Variants in SUCLG2 observed in about 807,000 individuals in gnomAD.
The protein encoded by SUCLG2 is succinate-CoA ligase GDP-forming subunit beta.
Under a neutral mutation model 47.9 loss-of-function variants are expected in SUCLG2, and 42 were observed. That is an observed-to-expected ratio of 0.88 (90% CI 0.69 to 1.14). SUCLG2 has a LOEUF of 1.14. Ranked by LOEUF, SUCLG2 falls within the 50% of genes most tolerant of loss-of-function variation. The pLI, the probability that SUCLG2 is intolerant of heterozygous loss-of-function variation, is 0.00. For synonymous variants in SUCLG2, 195 were observed against 197.3 expected, an observed-to-expected ratio of 0.99 and a Z score of 0.10; for missense variants, 571 against 525.9, an observed-to-expected ratio of 1.09 and a Z score of -0.84.
chr3:67,540,772 T>A (rs2107173744), intron 2 of SUCLG2, among the ~76,000 whole-genome samples: 1 of 152,046 alleles, frequency 6.6e-6, no homozygotes, highest in South Asian at 2.1e-4. Flanking sequence ...CCAGCAGGGG[T>A]CGACAGACAC....
At chr3:67,626,665 A>C (rs961149401) in intron 1 of SUCLG2, among the ~76,000 whole-genome samples, 5 of 152,200 alleles carry the variant, frequency 3.3e-5, no homozygotes, top group Admixed American at 2.6e-4. Flanking sequence ...CTGTAATCCC[A>C]GCACTTTGGG....
At chr3:67,456,409 A>G (rs780536549) in intron 9 of SUCLG2, among the ~76,000 whole-genome samples, 7 of 152,228 alleles carry the variant, frequency 4.6e-5, no homozygotes, top group Non-Finnish European at 8.8e-5. Context: ...ACTGAAAAAC[A>G]TGTTTGTCTA....
chr3:67,510,697 A>G (rs1025346052), intron 6 of SUCLG2, among the ~76,000 whole-genome samples: 1 of 152,192 alleles, frequency 6.6e-6, no homozygotes, highest in South Asian at 2.1e-4. Flanking sequence ...TTGATATGCT[A>G]TAATTCCTTT....
intron 9 of SUCLG2, among the ~76,000 whole-genome samples, chr3:67,417,413 G>A (rs887767185): frequency 1.3e-5 from 2 of 152,168 alleles, no homozygotes; most frequent in African/African-American, 4.8e-5. Context: ...ACTGTATTCA[G>A]AACAAGTACC....
intron 7 of SUCLG2, among the ~76,000 whole-genome samples, chr3:67,505,437 A>G (rs958619682): frequency 6.6e-6 from 1 of 152,166 alleles, no homozygotes; most frequent in Non-Finnish European, 1.5e-5. Context: ...GTGTCAAATT[A>G]TATTTTTTGA....
At chr3:67,587,440 A>G in intron 2 of SUCLG2, among the ~76,000 whole-genome samples, 1 of 152,220 alleles carries the variant, frequency 6.6e-6, no homozygotes, top group East Asian at 1.9e-4. Flanking sequence ...TAACCGTGGC[A>G]TTTCTTTTCG....
At chr3:67,504,252 TA>T (rs1456477874) in intron 7 of SUCLG2, among the ~76,000 whole-genome samples, 5 of 133,904 alleles carry the variant, frequency 3.7e-5, no homozygotes, top group Non-Finnish European at 3.2e-5. Context: ...ATGGGGTGGG[TA>T]GGGGGGTTGG....
intron 2 of SUCLG2, among the ~76,000 whole-genome samples, chr3:67,547,370 T>C (rs992979405): frequency 6.6e-6 from 1 of 152,216 alleles, no homozygotes; most frequent in East Asian, 1.9e-4. Context: ...ACTAAGATAC[T>C]CCCTGAACAC....
At chr3:67,408,863 AC>A in intron 9 of SUCLG2, 1 of 1,438,112 alleles carries the variant, frequency 7.0e-7, no homozygotes, top group Non-Finnish European at 9.1e-7. Flanking sequence ...AGGCGGTCTT[AC>A]TGTAAAGTCC....
At chr3:67,495,663 A>G (rs1460709958) in intron 9 of SUCLG2, 135 bp downstream of exon 9, 1 of 1,116,382 alleles carries the variant, frequency 9.0e-7, no homozygotes, top group Non-Finnish European at 1.2e-6. Flanking sequence ...AAAAAAAAAA[A>G]AAAAGATAGA....
chr3:67,391,238 G>C (rs535108495), intron 10 of SUCLG2, among the ~76,000 whole-genome samples: 5 of 151,886 alleles, frequency 3.3e-5, no homozygotes, highest in African/African-American at 1.2e-4. Context: ...TGTGTCTTTC[G>C]CTTTCTTGAC....
chr3:67,400,733 T>G lies in SUCLG2; in HGVS notation c.1181A>C (p.Glu394Ala). Residue 394 changes from glutamate (E) to alanine (A), a missense_variant and splice_region_variant, in exon 10 of 11, where the codon GAA becomes GCA. Physicochemically the swap from Glu to Ala is moderately radical, Grantham distance 107 (BLOSUM62 -1). Transcript: ENST00000307227. The stretch of plus-strand genomic sequence containing the variant: ...AGCGGAAATCTACCATGACTCACCT[T>G]CAAGCCGGACCACCAGGGGCACCTT... ...ELKVPLVVRL[E>A]GTNVQEAQKI... 3 of 1,611,670 alleles carry G rather than the reference T, an allele frequency of 1.9e-6. No homozygotes were observed. The highest frequency in any genetic ancestry group is 2.5e-6 in the Non-Finnish European group (3 of 1,179,902).
chr3:67,596,605 T>C (rs1487055145), intron 2 of SUCLG2, among the ~76,000 whole-genome samples: 1 of 152,112 alleles, frequency 6.6e-6, no homozygotes, highest in African/African-American at 2.4e-5. Context: ...TACACATCTG[T>C]CTCTCTACCA....
At chr3:67,431,744 G>A (rs1376818412) in intron 9 of SUCLG2, among the ~76,000 whole-genome samples, 1 of 151,572 alleles carries the variant, frequency 6.6e-6, no homozygotes, top group African/African-American at 2.4e-5. Flanking sequence ...GTCGTGGGGT[G>A]GCGGGAGGGG....
chr3:67,563,971 AAAAAAAAGAAAAAAG>A (rs1260177715), intron 2 of SUCLG2, among the ~76,000 whole-genome samples: 1 of 148,982 alleles, frequency 6.7e-6, no homozygotes, highest in Non-Finnish European at 1.5e-5. Flanking sequence ...AAAAAAAAAA[AAAAAAAAGAAAAAAG>A]AAAAAGAAAA....
chr3:67,496,505 C>T (rs962130542), intron 8 of SUCLG2, among the ~76,000 whole-genome samples: 3 of 152,150 alleles, frequency 2.0e-5, no homozygotes, highest in African/African-American at 7.2e-5. Context: ...TACAGTCATA[C>T]ATGTTTACAT....
intron 2 of SUCLG2, among the ~76,000 whole-genome samples, chr3:67,562,475 G>A (rs775701354): frequency 1.7e-4 from 26 of 152,118 alleles, no homozygotes; most frequent in South Asian, 8.3e-4. Flanking sequence ...ACAGGGTTTC[G>A]CCATGTTGGC....
chr3:67,585,075 CTT>C (rs1707982010), intron 2 of SUCLG2, among the ~76,000 whole-genome samples: 1 of 152,158 alleles, frequency 6.6e-6, no homozygotes, highest in Non-Finnish European at 1.5e-5. Flanking sequence ...CAATACATAA[CTT>C]AATTAGCTTG....
chr3:67,620,482 G>A (rs904929855), intron 1 of SUCLG2, among the ~76,000 whole-genome samples: 3 of 146,866 alleles, frequency 2.0e-5, no homozygotes, highest in Admixed American at 1.4e-4. Flanking sequence ...GTACTCAGGA[G>A]GCTGAGACAG....
Sources: allele counts gnomAD v4.1 joint callset (sites outside exome capture counted in the v4.1 genomes callset), GRCh38; gene constraint gnomAD v4.1.1; transcripts MANE v1.5; gene names NCBI Gene and HGNC (gene_info 2026-07-23, HGNC 2026-07-21).